LAMA2: variants seen among roughly 807,000 people sequenced by gnomAD.
The protein encoded by LAMA2 is laminin subunit alpha 2, also known as laminin subunit alpha-2.
In LAMA2, 269 loss-of-function variants were observed where a neutral mutation model predicts 364.8. That is an observed-to-expected ratio of 0.74 (90% CI 0.67 to 0.82). LAMA2 has a LOEUF of 0.82. Ranked by LOEUF, LAMA2 falls within the 40% of genes least tolerant of loss-of-function variation. The probability of loss-of-function intolerance (pLI) is 0.00; values close to 1 mark genes in which losing one functional copy is unlikely to be tolerated. For missense variants in LAMA2, 3,807 were observed against 3,873.2 expected (o/e 0.98, Z 0.45); for synonymous variants, 1,379 against 1,370.6 (o/e 1.01, Z -0.14).
intron 16 of LAMA2, among the ~76,000 whole-genome samples, chr6:129,268,195 A>G (rs758415268): frequency 6.6e-6 from 1 of 152,070 alleles, no homozygotes; most frequent in African/African-American, 2.4e-5. Flanking sequence ...CCTTTTCTCT[A>G]TATAAGATTT....
At chr6:128,966,039 A>G (rs542227981) in intron 1 of LAMA2, among the ~76,000 whole-genome samples, 2 of 136,658 alleles carry the variant, frequency 1.5e-5, no homozygotes, top group South Asian at 4.5e-4. Context: ...TTAGGATATC[A>G]CTAATTGTCA....
intron 1 of LAMA2, among the ~76,000 whole-genome samples, chr6:128,910,620 G>A (rs553331815): frequency 2.6e-5 from 4 of 152,298 alleles, no homozygotes; most frequent in South Asian, 4.1e-4. Context: ...ATCATCTGAA[G>A]CCTTCTTCTC....
intron 13 of LAMA2, 114 bp downstream of exon 13, chr6:129,250,327 A>T (rs1786085468): frequency 4.2e-6 from 3 of 719,152 alleles, no homozygotes; most frequent in African/African-American, 1.8e-5. Flanking sequence ...TACTAAAAAA[A>T]AATATACCTT....
intron 31 of LAMA2, among the ~76,000 whole-genome samples, chr6:129,351,082 G>A (rs1172774464): frequency 2.6e-5 from 4 of 151,970 alleles, no homozygotes; most frequent in African/African-American, 9.7e-5. Context: ...AGTGAGCTTT[G>A]GTATTCATGG....
chr6:128,994,148 G>A (rs9986606), intron 1 of LAMA2, among the ~76,000 whole-genome samples: 49,005 of 152,044 alleles, frequency 0.32, 9,130 homozygotes, highest in African/African-American at 0.51. Context: ...GAATCTTTGC[G>A]GAATTATTAC....
In LAMA2 at chr6:129,502,720, C is replaced by T. The variant is rs1785745136; in HGVS notation, c.8306C>T (p.Ser2769Leu). The T allele has an allele frequency of 6.2e-7, 1 of 1,613,996 alleles. No individual in the cohort carries two copies. Among genetic ancestry groups the T allele is most frequent in the East Asian group, 2.2e-5 (1 of 44,856 alleles). ...LLIGSKQFGL[S>L]RNSHIAIAFD... The stretch of plus-strand genomic sequence containing the variant: ...ATAGGGAGCAAGCAGTTCGGGCTTT[C>T]AAGAAACAGTCACATTGCAATTGCA... Residue 2769 changes from serine to leucine, a missense_variant, in exon 59 of 65, where the codon TCA (serine) becomes TTA (leucine). Coordinates refer to ENST00000421865, the MANE Select transcript of LAMA2 (RefSeq NM_000426.4).
intron 2 of LAMA2, among the ~76,000 whole-genome samples, chr6:129,058,711 T>C (rs376218083): frequency 2.0e-5 from 3 of 152,342 alleles, no homozygotes; most frequent in East Asian, 3.9e-4. Context: ...ACTTCTCTTT[T>C]GCCCTCTGAA....
At chr6:129,503,551 G>T (rs2114892727) in intron 60 of LAMA2, among the ~76,000 whole-genome samples, 1 of 152,332 alleles carries the variant, frequency 6.6e-6, no homozygotes, top group East Asian at 1.9e-4. Flanking sequence ...CTGAGGCCAG[G>T]TGGCTGAAGA....
chr6:129,227,746 G>A (rs1024356046), intron 12 of LAMA2, among the ~76,000 whole-genome samples: 1 of 152,192 alleles, frequency 6.6e-6, no homozygotes, highest in African/African-American at 2.4e-5. Flanking sequence ...CTACTGGGTG[G>A]TGCCTCACAG....
At chr6:129,076,661 G>A (rs1773677310) in intron 3 of LAMA2, among the ~76,000 whole-genome samples, 1 of 151,182 alleles carries the variant, frequency 6.6e-6, no homozygotes, top group Admixed American at 6.6e-5. Context: ...TTTCAATTAA[G>A]GAAATAGCCA....
intron 4 of LAMA2, among the ~76,000 whole-genome samples, chr6:129,141,247 T>A (rs1778108596): frequency 6.6e-6 from 1 of 152,006 alleles, no homozygotes; most frequent in African/African-American, 2.4e-5. Flanking sequence ...TTCATCCATA[T>A]ATTTATCCAT....
At chr6:129,420,934 C>T (rs184042887) in intron 40 of LAMA2, among the ~76,000 whole-genome samples, 81 of 152,226 alleles carry the variant, frequency 5.3e-4, no homozygotes, top group African/African-American at 1.9e-3. Context: ...GTTTGTCTTT[C>T]CTCTTCCCTC....
At chr6:129,225,727 AT>A (rs1189389007) in intron 12 of LAMA2, among the ~76,000 whole-genome samples, 14 of 152,076 alleles carry the variant, frequency 9.2e-5, no homozygotes, top group African/African-American at 3.1e-4. Context: ...GATCTTTTAC[AT>A]TTGCTGAGGA....
In LAMA2 at chr6:129,459,812, T is replaced by C. The variant is rs57666307; in HGVS notation, c.6868-388T>C. 7.1e-3 allele frequency among the ~76,000 whole-genome samples: 1,079 copies of C among 152,138 alleles called. 7 individuals are homozygous for C. The highest frequency in any genetic ancestry group is 0.025 in the African/African-American group (1,042 of 41,538). On this transcript the variant is annotated intron_variant, in intron 48 of 64. Transcript: ENST00000421865. ...ACCTTCTGTATATCAGGCACTGAGA[T>C]TGGTGTCATAAATAAATTATCTAAC...
At chr6:129,005,680 A>G (rs1049865963) in intron 1 of LAMA2, among the ~76,000 whole-genome samples, 2 of 150,914 alleles carry the variant, frequency 1.3e-5, no homozygotes, top group Non-Finnish European at 3.0e-5. Flanking sequence ...TCTATATATT[A>G]ATCCAAAGCC....
chr6:128,943,328 A>T (rs1307210716), intron 1 of LAMA2, among the ~76,000 whole-genome samples: 1 of 150,598 alleles, frequency 6.6e-6, no homozygotes, highest in African/African-American at 2.5e-5. Context: ...TCTGTTAACC[A>T]GCTGGGGTGC....
chr6:129,355,033 A>C (rs1348025902), intron 32 of LAMA2, among the ~76,000 whole-genome samples: 3 of 152,168 alleles, frequency 2.0e-5, no homozygotes, highest in Admixed American at 6.6e-5. Flanking sequence ...GGGGTTATAC[A>C]TGGTATTTAG....
intron 1 of LAMA2, among the ~76,000 whole-genome samples, chr6:128,895,577 G>A (rs970538332): frequency 3.4e-4 from 52 of 152,200 alleles, no homozygotes; most frequent in African/African-American, 1.2e-3. Context: ...GAATCCGGGA[G>A]GAGGAGCTTG....
rs988675495 is a variant in LAMA2 at position 129,202,086 on chromosome 6, G to C, written c.1782+9233G>C. 3.3e-5 allele frequency among the ~76,000 whole-genome samples: 5 copies of C among 150,790 alleles called. No individual in the cohort carries two copies. In the South Asian group the frequency reaches 1.1e-3, roughly 32 times the overall value. On this transcript the variant is annotated intron_variant, in intron 12 of 64. Coordinates refer to ENST00000421865, the MANE Select transcript of LAMA2 (RefSeq NM_000426.4). ...ACCTGTAGTCCCAGCTGCTCAGGAG[G>C]CTGAGGCAGGAGAATCACTTGAACC...
Sources: gnomAD v4.1 joint callset for allele counts (sites outside exome capture counted in the v4.1 genomes callset) on GRCh38, gnomAD v4.1.1 for gene constraint, MANE v1.5 for transcripts, NCBI Gene and HGNC (gene_info 2026-07-23, HGNC 2026-07-21) for gene names.